Variants in TMEM268 observed in about 807,000 individuals in gnomAD.
TMEM268 encodes transmembrane protein 268, also known as transmembrane protein C9orf91.
A neutral mutation model predicts 39.1 loss-of-function variants in TMEM268; 24 were observed. The ratio of observed to expected loss-of-function variants is 0.61; its 90% confidence interval spans 0.44 to 0.86. TMEM268 has a LOEUF of 0.86. Among genes scored for constraint, TMEM268 ranks in the 40% least tolerant of loss-of-function variants. The pLI is 0.00. For synonymous variants in TMEM268, 176 were observed against 173.5 expected (o/e 1.01, Z -0.12); for missense variants, 409 against 428.6 (o/e 0.95, Z 0.40).
chr9:114,631,196 G>A (rs141126180), intron 5 of TMEM268, among the ~76,000 whole-genome samples: 142 of 151,630 alleles, frequency 9.4e-4, no homozygotes, highest in Non-Finnish European at 1.5e-3. Context: ...CCATAGTCCT[G>A]GGAGGCTGAG....
At chr9:114,612,055 G>A (rs1293524366) in intron 1 of TMEM268, among the ~76,000 whole-genome samples, 1 of 152,156 alleles carries the variant, frequency 6.6e-6, no homozygotes, top group Non-Finnish European at 1.5e-5. Context: ...TGGAGAGCTC[G>A]GACTCATTGT....
chr9:114,632,362 G>A (rs763785231), intron 5 of TMEM268, among the ~76,000 whole-genome samples: 3 of 152,142 alleles, frequency 2.0e-5, no homozygotes, highest in Non-Finnish European at 4.4e-5. Flanking sequence ...GACAACCAAA[G>A]GGTCCTCCTT....
At chr9:114,637,288 C>CTTTTT in intron 7 of TMEM268, among the ~76,000 whole-genome samples, 1 of 127,336 alleles carries the variant, frequency 7.9e-6, no homozygotes, top group Non-Finnish European at 1.6e-5. Context: ...TATATTTCTT[C>CTTTTT]TTTTTTTTTT....
intron 2 of TMEM268, among the ~76,000 whole-genome samples, chr9:114,619,928 G>A (rs1322235293): frequency 6.6e-6 from 1 of 151,766 alleles, no homozygotes; most frequent in Admixed American, 6.6e-5. Context: ...TTATTTTTAG[G>A]CTGGGCATGG....
At chr9:114,605,540 T>G in the TMEM268 span, among the ~76,000 whole-genome samples, 1 of 152,164 alleles carries the variant, frequency 6.6e-6, no homozygotes, top group Admixed American at 6.5e-5. Context: ...TTTAAAGCCA[T>G]AGTTTACTGT....
upstream of TMEM268, among the ~76,000 whole-genome samples, chr9:114,609,897 G>A (rs1014226057): frequency 5.9e-5 from 9 of 152,300 alleles, 1 homozygote; most frequent in South Asian, 2.1e-4. Flanking sequence ...GCATGTTTGC[G>A]TGTATGCAAC....
intron 1 of TMEM268, among the ~76,000 whole-genome samples, chr9:114,616,116 C>T (rs1409517978): frequency 2.1e-5 from 3 of 141,960 alleles, no homozygotes; most frequent in Non-Finnish European, 4.6e-5. Context: ...CCCGGGTTCA[C>T]GCCATTCTCC....
At chr9:114,631,639 G>T (rs1189844708) in intron 5 of TMEM268, among the ~76,000 whole-genome samples, 3 of 152,118 alleles carry the variant, frequency 2.0e-5, no homozygotes, top group African/African-American at 4.8e-5. Flanking sequence ...GTTAGGAATT[G>T]AACTATTGGT....
intron 2 of TMEM268, among the ~76,000 whole-genome samples, chr9:114,618,656 C>A (rs1481201552): frequency 6.6e-6 from 1 of 151,472 alleles, no homozygotes; most frequent in African/African-American, 2.4e-5. Flanking sequence ...GAGTGAGACT[C>A]CATCTCAAAA....
intron 2 of TMEM268, chr9:114,622,604 T>G (rs1053632372): frequency 2.8e-6 from 2 of 705,602 alleles, no homozygotes; most frequent in African/African-American, 3.9e-5. Context: ...CATCCTACCC[T>G]TGGAGGGCGG....
rs1431724986 is a variant in TMEM268, at chr9:114,619,210, A to G, written c.106+1909A>G. Among the ~76,000 whole-genome samples the G allele has an allele frequency of 2.0e-5, 3 of 152,332 alleles. No individual in the cohort carries two copies. In the East Asian group the frequency reaches 5.8e-4, roughly 29 times the overall value. ...TAATTTTTCTATCAGAACTTTGAAG[A>G]CATTGCTTCACTGATTTTTGGCACG... On this transcript the variant is annotated intron_variant, in intron 2 of 8. Coordinates refer to ENST00000288502, the MANE Select transcript of TMEM268 (RefSeq NM_153045.4).
rs538539959 is a variant in TMEM268, at chr9:114,624,284, C to T, written c.107-66C>T. 5.8e-6 allele frequency: 9 copies of T among 1,544,356 alleles called. No individual in the cohort carries two copies. In the East Asian group the frequency reaches 9.8e-5, roughly 17 times the overall value. ...CCAGAGGTGTGATGCCGCCAGGCTT[C>T]GGGCTCACCCCACGAGCCTGGTATG... On this transcript the variant is annotated intron_variant, in intron 2 of 8. Coordinates refer to ENST00000288502, the MANE Select transcript of TMEM268 (RefSeq NM_153045.4).
chr9:114,622,050 G>A lies in TMEM268; in HGVS notation c.107-2300G>A, dbSNP rs1845966670. The A allele has an allele frequency of 3.1e-6, 3 of 983,474 alleles. No individual in the cohort carries two copies. In the African/African-American group the frequency reaches 5.2e-5, roughly 17 times the overall value. The allele number at this position is 983,474 out of a possible 1,614,324, so 60.9% of individuals were successfully genotyped here. ...GGCTACTGCAGAGGGCCAAGGGAGA[G>A]GTGAGGATGCCAGGAGGGCACAGAG... is the stretch of plus-strand genomic sequence containing the variant. On this transcript the variant is annotated intron_variant, in intron 2 of 8. Coordinates refer to ENST00000288502, the MANE Select transcript of TMEM268 (RefSeq NM_153045.4).
At chr9:114,608,584 T>C (rs1302173884), upstream of TMEM268, among the ~76,000 whole-genome samples, 1 of 152,234 alleles carries the variant, frequency 6.6e-6, no homozygotes, top group Non-Finnish European at 1.5e-5. Context: ...TTTAGATAGA[T>C]GGTGATCAGG....
In TMEM268 at chr9:114,638,604, G is replaced by C; in HGVS notation, c.727G>C (p.Ala243Pro). The C allele has an allele frequency of 1.9e-6, 3 of 1,609,302 alleles. No homozygotes were observed. Among genetic ancestry groups the C allele is most frequent in the Non-Finnish European group, 2.5e-6 (3 of 1,178,094 alleles). ...TGTCATGGAGACTGGGGTGAGCCCT[G>C]CAACAGCGGAGGGGCCTGAGAACTT... ...CVVMETGVSP[A>P]TAEGPENLED... Residue 243 changes from alanine (A) to proline (P), a missense_variant, in exon 8 of 9, where the codon GCA (alanine) becomes CCA (proline). Ala to Pro is a conservative substitution (Grantham distance 27). Transcript: ENST00000288502.
At chr9:114,622,488 G>A in intron 2 of TMEM268, 2 of 985,210 alleles carry the variant, frequency 2.0e-6, no homozygotes, top group Non-Finnish European at 2.4e-6. Context: ...TCTCTACTTG[G>A]AACTGCAGGC....
At chr9:114,607,634 GAC>G (rs1845384069), upstream of TMEM268, among the ~76,000 whole-genome samples, 1 of 152,192 alleles carries the variant, frequency 6.6e-6, no homozygotes, top group Admixed American at 6.5e-5. Context: ...CAGCCTGGGT[GAC>G]AGAGTGAGAC....
chr9:114,626,818 C>A, intron 3 of TMEM268, 81 bp from the exon 4 acceptor site: 1 of 1,040,912 alleles, frequency 9.6e-7, no homozygotes, highest in Non-Finnish European at 1.5e-6. Flanking sequence ...TGTGCCTAAT[C>A]CCCCTTCCAC....
intron 2 of TMEM268, chr9:114,624,041 A>G (rs1846051374): frequency 8.1e-6 from 2 of 246,970 alleles, no homozygotes; most frequent in Non-Finnish European, 7.8e-6. Context: ...GTTGGGGAAC[A>G]TTTTTTTGTG....
Sources: allele counts gnomAD v4.1 joint callset (sites outside exome capture counted in the v4.1 genomes callset), GRCh38; gene constraint gnomAD v4.1.1; transcripts MANE v1.5; gene names NCBI Gene and HGNC (gene_info 2026-07-23, HGNC 2026-07-21).